NRXN1: variants seen among roughly 807,000 people sequenced by gnomAD.
NRXN1 encodes the protein neurexin 1.
In NRXN1, 39 loss-of-function variants were observed where a neutral mutation model predicts 150.9. That is an observed-to-expected ratio of 0.26 (90% CI 0.20 to 0.34). NRXN1 has a LOEUF of 0.34. Among genes scored for constraint, NRXN1 ranks in the 10% least tolerant of loss-of-function variants. The pLI is 1.00. For synonymous variants in NRXN1, 924 were observed against 757.0 expected (o/e 1.22, Z -3.62); for missense variants, 1,815 against 1,949.9 (o/e 0.93, Z 1.30).
chr2:50,671,472 A>G (rs1688837706), intron 5 of NRXN1, among the ~76,000 whole-genome samples: 1 of 151,590 alleles, frequency 6.6e-6, no homozygotes, highest in Non-Finnish European at 1.5e-5. Context: ...TGTTCAAATC[A>G]TTTTTCTGAT....
At chr2:50,867,570 T>G (rs2106074847) in intron 5 of NRXN1, among the ~76,000 whole-genome samples, 1 of 152,024 alleles carries the variant, frequency 6.6e-6, no homozygotes, top group African/African-American at 2.4e-5. Context: ...TTAAAACCTT[T>G]TTTTTTTCCT....
chr2:50,561,954 T>C (rs1669149221), intron 8 of NRXN1, among the ~76,000 whole-genome samples: 1 of 152,208 alleles, frequency 6.6e-6, no homozygotes, highest in Non-Finnish European at 1.5e-5. Flanking sequence ...GAGTTTCTAC[T>C]TCAAGCCAGC....
chr2:50,412,905 A>G (rs879028771), intron 17 of NRXN1, among the ~76,000 whole-genome samples: 1 of 152,238 alleles, frequency 6.6e-6, no homozygotes, highest in East Asian at 1.9e-4. Flanking sequence ...GCTAGACCCC[A>G]ATCTTTCTCC....
chr2:50,791,502 G>T (rs767873592), intron 5 of NRXN1, among the ~76,000 whole-genome samples: 20 of 151,958 alleles, frequency 1.3e-4, no homozygotes, highest in Non-Finnish European at 1.8e-4. Flanking sequence ...TCATCTTCTC[G>T]CCCAGAATCT....
intron 18 of NRXN1, among the ~76,000 whole-genome samples, chr2:50,153,452 C>T (rs1294903043): frequency 1.3e-5 from 2 of 151,198 alleles, no homozygotes; most frequent in Non-Finnish European, 3.0e-5. Context: ...CTCTGGAAAT[C>T]AGATTACCTC....
At chr2:50,309,887 G>T (rs918203021) in intron 17 of NRXN1, among the ~76,000 whole-genome samples, 2 of 152,156 alleles carry the variant, frequency 1.3e-5, no homozygotes, top group African/African-American at 4.8e-5. Flanking sequence ...TTCCAAAGAG[G>T]TTCCTGCAAA....
chr2:50,953,152 G>A (rs1691675093), intron 2 of NRXN1, among the ~76,000 whole-genome samples: 1 of 152,162 alleles, frequency 6.6e-6, no homozygotes, highest in South Asian at 2.1e-4. Flanking sequence ...TGCACAATAG[G>A]ATGAGTATAG....
intron 2 of NRXN1, among the ~76,000 whole-genome samples, chr2:50,959,098 A>G (rs958760069): frequency 6.6e-6 from 1 of 152,128 alleles, no homozygotes; most frequent in Non-Finnish European, 1.5e-5. Context: ...AAAACAGACA[A>G]TAACAAGTGT....
chr2:50,876,846 T>G (rs1678667982), intron 5 of NRXN1, among the ~76,000 whole-genome samples: 1 of 151,812 alleles, frequency 6.6e-6, no homozygotes, highest in South Asian at 2.1e-4. Context: ...ATTGGTATTA[T>G]GAATGACTTA....
intron 18 of NRXN1, among the ~76,000 whole-genome samples, chr2:50,222,014 T>A (rs2152859108): frequency 6.6e-6 from 1 of 152,132 alleles, no homozygotes; most frequent in East Asian, 1.9e-4. Context: ...TCCTGGGGAC[T>A]GCAGGATTGA....
At chr2:50,651,336 G>T (rs1668211288) in intron 5 of NRXN1, among the ~76,000 whole-genome samples, 1 of 151,916 alleles carries the variant, frequency 6.6e-6, no homozygotes, top group African/African-American at 2.4e-5. Flanking sequence ...TGTTAGACTG[G>T]GCATGGTGGC....
In NRXN1 at chr2:50,636,167, A is replaced by G. The variant is rs558011979; in HGVS notation, c.833-12552T>C. On this transcript the variant is annotated intron_variant, in intron 5 of 22. Coordinates refer to ENST00000401669, the MANE Select transcript of NRXN1 (RefSeq NM_001330078.2). ...GAAGTATTGTAAATAGAAAAAAAAT[A>G]CATGTTTCTATTGATGGTTTATTCT... Among the ~76,000 whole-genome samples, 6 of 152,332 alleles carry G rather than the reference A, an allele frequency of 3.9e-5. No homozygotes were observed. The South Asian group carries it at 1.2e-3, about 32-fold the overall frequency.
intron 2 of NRXN1, among the ~76,000 whole-genome samples, chr2:50,952,658 G>A (rs190799968): frequency 1.3e-5 from 2 of 152,264 alleles, no homozygotes; most frequent in African/African-American, 4.8e-5. Context: ...TGCCTCTGAT[G>A]AGCATGCAGA....
At position 50,366,472 on chromosome 2, in the gene NRXN1, C is replaced by G. The variant is rs2079592153; in HGVS notation, c.3364+98970G>C. 2.0e-5 allele frequency among the ~76,000 whole-genome samples: 3 copies of G among 151,684 alleles called. No individual in the cohort carries two copies. The South Asian group carries it at 6.2e-4, about 32-fold the overall frequency. On this transcript the variant is annotated intron_variant, in intron 17 of 22. Coordinates refer to ENST00000401669, the MANE Select transcript of NRXN1 (RefSeq NM_001330078.2). ...TAATTCTAGTTTAGTATTCAATATC[C>G]ATTCTGCCTTCTTCCTGGCAAGTAG... is the stretch of plus-strand genomic sequence containing the variant.
Position 50,347,622 on chromosome 2 carries a change from G to C in NRXN1, c.3365-110652C>G, listed in dbSNP as rs200814266. 307 of 1,005,956 alleles carry C rather than the reference G, an allele frequency of 3.1e-4. No homozygotes were observed. The African/African-American group carries it at 4.9e-3, about 16-fold the overall frequency. 62.3% of individuals were successfully genotyped at this position (1,005,956 alleles called of 1,614,324 possible). On this transcript the variant is annotated intron_variant, in intron 17 of 22. Coordinates refer to ENST00000401669, the MANE Select transcript of NRXN1 (RefSeq NM_001330078.2). The surrounding 1 kb of genome is among the most constrained non-coding windows in gnomAD (Gnocchi z 4.9). ...CCGCCGCCTCCTGACACTTACGCCC[G>C]GCGAGGGGTTCAGAGGGAAGAGTGC...
chr2:50,619,687 C>T, intron 8 of NRXN1: 1 of 392,480 alleles, frequency 2.5e-6, no homozygotes, highest in Non-Finnish European at 4.5e-6. Flanking sequence ...ACACCTATGG[C>T]ATTTAAGTAG....
chr2:50,844,748 G>C (rs1412930443), intron 5 of NRXN1, among the ~76,000 whole-genome samples: 1 of 152,114 alleles, frequency 6.6e-6, no homozygotes, highest in Non-Finnish European at 1.5e-5. Flanking sequence ...AAGGAAAGTG[G>C]TAAACACACT....
intron 17 of NRXN1, among the ~76,000 whole-genome samples, chr2:50,382,344 G>A (rs1347675147): frequency 3.3e-5 from 5 of 152,118 alleles, no homozygotes; most frequent in African/African-American, 1.2e-4. Flanking sequence ...TAATATTGGA[G>A]TGTCAAGTGA....
intron 5 of NRXN1, among the ~76,000 whole-genome samples, chr2:50,700,220 T>G (rs762237895): frequency 6.6e-6 from 1 of 152,208 alleles, no homozygotes; most frequent in Non-Finnish European, 1.5e-5. Flanking sequence ...CTGTTAGTAG[T>G]GTCAAATGAG....
Sources: allele counts gnomAD v4.1 joint callset (sites outside exome capture counted in the v4.1 genomes callset), GRCh38; gene constraint gnomAD v4.1.1; non-coding constraint Gnocchi (gnomAD v3.1); transcripts MANE v1.5; gene names NCBI Gene and HGNC (gene_info 2026-07-23, HGNC 2026-07-21).